The following EYA1 variants were observed in gnomAD, a reference collection of about 807,000 sequenced individuals.
EYA1 encodes the protein protein phosphatase EYA1.
EYA1 carries 16 observed loss-of-function variants against 82.0 expected under a neutral mutation model. The observed-to-expected ratio is 0.20, with a 90% CI of 0.13 to 0.30. The LOEUF (loss-of-function observed/expected upper bound fraction) is 0.30, where lower values mean the gene tolerates loss of function less well. Ranked by LOEUF, EYA1 falls within the 10% of genes least tolerant of loss-of-function variation. The probability of loss-of-function intolerance (pLI) is 1.00; values close to 1 mark genes in which losing one functional copy is unlikely to be tolerated. For synonymous variants in EYA1, 261 were observed against 264.4 expected, an observed-to-expected ratio of 0.99 and a Z score of 0.12; for missense variants, 633 against 730.7, an observed-to-expected ratio of 0.87 and a Z score of 1.54.
intron 2 of EYA1, among the ~76,000 whole-genome samples, chr8:71,456,723 C>G (rs1470671980): frequency 6.6e-6 from 1 of 152,046 alleles, no homozygotes; most frequent in Non-Finnish European, 1.5e-5. Flanking sequence ...GAAGCTGAAA[C>G]TGGATCCCTT....
chr8:71,500,707 C>T (rs573846772), intron 2 of EYA1, among the ~76,000 whole-genome samples: 12 of 152,108 alleles, frequency 7.9e-5, no homozygotes, highest in Non-Finnish European at 1.2e-4. Flanking sequence ...AAGGAAATTA[C>T]CTACATTCTG....
At chr8:71,411,710 A>T (rs1294309879) in intron 2 of EYA1, among the ~76,000 whole-genome samples, 1 of 147,804 alleles carries the variant, frequency 6.8e-6, no homozygotes, top group Non-Finnish European at 1.5e-5. Context: ...AATGGCAATC[A>T]TTAAAAAGTC....
chr8:71,458,107 A>G (rs1808093605), intron 2 of EYA1, among the ~76,000 whole-genome samples: 1 of 152,164 alleles, frequency 6.6e-6, no homozygotes, highest in African/African-American at 2.4e-5. Flanking sequence ...GAAAAACTAG[A>G]GGATATAAAC....
chr8:71,381,499 AG>A (rs1828699635), intron 2 of EYA1, among the ~76,000 whole-genome samples: 1 of 152,224 alleles, frequency 6.6e-6, no homozygotes, highest in African/African-American at 2.4e-5. Context: ...CTGAAGCCTC[AG>A]GCAAGGTACA....
chr8:71,429,241 TAC>T (rs1466289672), intron 2 of EYA1, among the ~76,000 whole-genome samples: 1 of 152,214 alleles, frequency 6.6e-6, no homozygotes, highest in Non-Finnish European at 1.5e-5. Context: ...GAAAATATTT[TAC>T]AGATTTATAG....
chr8:71,265,466 C>A (rs560217779), intron 11 of EYA1, among the ~76,000 whole-genome samples: 39 of 152,258 alleles, frequency 2.6e-4, no homozygotes, highest in African/African-American at 9.1e-4. Flanking sequence ...AAATGAATAT[C>A]CATATTTTTA....
chr8:71,487,499 T>C (rs938943299), intron 2 of EYA1, among the ~76,000 whole-genome samples: 5 of 152,242 alleles, frequency 3.3e-5, no homozygotes, highest in African/African-American at 9.6e-5. Flanking sequence ...CATTATGCCC[T>C]CCTATAAGTT....
At chr8:71,469,175 A>C (rs1351962437) in intron 2 of EYA1, among the ~76,000 whole-genome samples, 1 of 151,942 alleles carries the variant, frequency 6.6e-6, no homozygotes. Context: ...GTAAAAAAAA[A>C]ATCTGTCCTC....
Position 71,481,006 on chromosome 8 carries a change from C to T in EYA1, c.33+54738G>A, listed in dbSNP as rs190465291. ...TCAACTTAGAAAAATTCCAGTAGCT[C>T]TAATTCTATTATTAAAACTAATTTA... On this transcript the variant is annotated intron_variant, in intron 2 of 18. Coordinates refer to the EYA1 transcript ENST00000643681. Among the ~76,000 whole-genome samples, 3 of 152,000 alleles carry T rather than the reference C, an allele frequency of 2.0e-5. No individual in the cohort carries two copies. In the East Asian group the frequency reaches 5.8e-4, roughly 29 times the overall value.
At chr8:71,313,169 T>C (rs2129017423) in intron 7 of EYA1, among the ~76,000 whole-genome samples, 2 of 152,316 alleles carry the variant, frequency 1.3e-5, no homozygotes, top group South Asian at 4.1e-4. Flanking sequence ...TCCTCTCTCC[T>C]GATTTTTTTC....
At chr8:71,410,385 C>T (rs1314978246) in intron 2 of EYA1, among the ~76,000 whole-genome samples, 124 of 104,780 alleles carry the variant, frequency 1.2e-3, no homozygotes, top group African/African-American at 1.5e-3. Context: ...CCAGGGCAAT[C>T]AGGCAGGAGA....
intron 2 of EYA1, among the ~76,000 whole-genome samples, chr8:71,484,796 T>A (rs954597982): frequency 6.6e-6 from 1 of 152,162 alleles, no homozygotes; most frequent in Non-Finnish European, 1.5e-5. Flanking sequence ...ATGCTGCCGC[T>A]CCCCATCATG....
intron 1 of EYA1, among the ~76,000 whole-genome samples, chr8:71,357,963 T>C (rs1012011668): frequency 6.6e-6 from 1 of 151,702 alleles, no homozygotes; most frequent in African/African-American, 2.4e-5. Context: ...CAAGGATAAA[T>C]TTCCTTTTTC....
At chr8:71,321,201 GT>G (rs949750116) in intron 6 of EYA1, among the ~76,000 whole-genome samples, 65 of 152,238 alleles carry the variant, frequency 4.3e-4, no homozygotes, top group Middle Eastern at 6.8e-3. Flanking sequence ...AGCCTTAAAT[GT>G]TTCCCGATTT....
intron 12 of EYA1, among the ~76,000 whole-genome samples, chr8:71,231,529 C>G (rs952167213): frequency 5.3e-5 from 8 of 152,214 alleles, no homozygotes; most frequent in African/African-American, 1.7e-4. Flanking sequence ...TCTGGGATAG[C>G]CATCCCATCT....
At chr8:71,427,257 C>T (rs1168983809) in intron 2 of EYA1, among the ~76,000 whole-genome samples, 1 of 152,216 alleles carries the variant, frequency 6.6e-6, no homozygotes, top group East Asian at 1.9e-4. Flanking sequence ...GAGGCAAGCC[C>T]TGCTTAGCTG....
At chr8:71,221,046 G>C (rs552370110) in intron 12 of EYA1, among the ~76,000 whole-genome samples, 1 of 152,284 alleles carries the variant, frequency 6.6e-6, no homozygotes, top group South Asian at 2.1e-4. Context: ...ACTTCCCTAG[G>C]ATCCAAATGA....
In EYA1 at chr8:71,447,045, GA is replaced by G. The variant is rs141274733; in HGVS notation, c.33+88698del. 2.5e-3 allele frequency among the ~76,000 whole-genome samples: 371 copies of G among 150,632 alleles called. 3 individuals are homozygous for G. Among genetic ancestry groups the G allele is most frequent in the African/African-American group, 8.8e-3 (361 of 41,050 alleles). Reference sequence around the variant, plus strand: ...CTCCTACATTGCTTTGAAGTTAGCGGAACTGTCATGCTCTGAAATCTCATTA... The same window carrying G: ...CTCCTACATTGCTTTGAAGTTAGCGGACTGTCATGCTCTGAAATCTCATTA... On this transcript the variant is annotated intron_variant, in intron 2 of 18. Coordinates refer to the EYA1 transcript ENST00000643681.
intron 2 of EYA1, among the ~76,000 whole-genome samples, chr8:71,522,209 A>G (rs1813452829): frequency 6.6e-6 from 1 of 152,210 alleles, no homozygotes; most frequent in Non-Finnish European, 1.5e-5. Context: ...CTCCTTGAAT[A>G]TGGAAAAACC....
Sources: gnomAD v4.1 joint callset for allele counts (sites outside exome capture counted in the v4.1 genomes callset) on GRCh38, gnomAD v4.1.1 for gene constraint, MANE v1.5 for transcripts, NCBI Gene and HGNC (gene_info 2026-07-23, HGNC 2026-07-21) for gene names.